Variants in MACROD2 observed in about 807,000 individuals in gnomAD.
MACROD2 encodes ADP-ribose glycohydrolase MACROD2.
A neutral mutation model predicts 70.4 loss-of-function variants in MACROD2; 36 were observed. The ratio of observed to expected loss-of-function variants is 0.51; its 90% CI spans 0.39 to 0.68. The LOEUF is 0.68. Among genes scored for constraint, MACROD2 ranks in the 30% least tolerant of loss-of-function variants. MACROD2 has a pLI of 0.00. For missense variants in MACROD2, 496 were observed against 538.4 expected (o/e 0.92, Z 0.78); for synonymous variants, 172 against 178.8 (o/e 0.96, Z 0.30).
intron 7 of MACROD2, among the ~76,000 whole-genome samples, chr20:15,470,914 C>T (rs1006680802): frequency 6.6e-6 from 1 of 152,116 alleles, no homozygotes; most frequent in Non-Finnish European, 1.5e-5. Context: ...TCTCTCAGTC[C>T]TTGGCTTTGC....
chr20:15,872,487 C>A (rs1287936183), intron 9 of MACROD2, among the ~76,000 whole-genome samples: 2 of 152,112 alleles, frequency 1.3e-5, no homozygotes, highest in African/African-American at 2.4e-5. Context: ...GTCACAGCCA[C>A]CTTAACACTG....
intron 8 of MACROD2, among the ~76,000 whole-genome samples, chr20:15,554,993 A>C (rs1165087081): frequency 6.6e-6 from 1 of 152,204 alleles, no homozygotes; most frequent in Non-Finnish European, 1.5e-5. Flanking sequence ...ATTGCAACTA[A>C]AATGCAGATG....
chr20:15,504,452 CTTGAG>C (rs2047401203), intron 8 of MACROD2, among the ~76,000 whole-genome samples: 1 of 152,106 alleles, frequency 6.6e-6, no homozygotes, highest in African/African-American at 2.4e-5. Context: ...CATGATGACT[CTTGAG>C]TTGAAAATCT....
At chr20:15,038,869 C>T (rs1206250640) in intron 5 of MACROD2, among the ~76,000 whole-genome samples, 1 of 152,072 alleles carries the variant, frequency 6.6e-6, no homozygotes, top group Non-Finnish European at 1.5e-5. Flanking sequence ...GAACTGGATT[C>T]ATTATAATAT....
At chr20:15,501,170 C>T (rs554079031) in intron 8 of MACROD2, among the ~76,000 whole-genome samples, 2 of 152,312 alleles carry the variant, frequency 1.3e-5, no homozygotes, top group East Asian at 1.9e-4. Context: ...AACTCAGTTC[C>T]TTTAAAAGCC....
At chr20:14,798,367 G>A (rs577024490) in intron 5 of MACROD2, among the ~76,000 whole-genome samples, 23 of 152,082 alleles carry the variant, frequency 1.5e-4, no homozygotes, top group Middle Eastern at 6.8e-3. Context: ...TTCTCAACAT[G>A]GATTTGTCTT....
chr20:16,044,260 A>C (rs939233381), intron 16 of MACROD2, among the ~76,000 whole-genome samples: 1 of 152,084 alleles, frequency 6.6e-6, no homozygotes, highest in African/African-American at 2.4e-5. Flanking sequence ...CTCACTCATC[A>C]CTAAGAAGAT....
intron 2 of MACROD2, among the ~76,000 whole-genome samples, chr20:14,069,009 C>T (rs111326959): frequency 0.018 from 2,729 of 152,218 alleles, 35 homozygotes; most frequent in South Asian, 0.035. Flanking sequence ...AGTACAGTGG[C>T]GTGATCTTGG....
intron 3 of MACROD2, among the ~76,000 whole-genome samples, chr20:14,152,029 G>T (rs1357127975): frequency 4.0e-5 from 6 of 151,394 alleles, no homozygotes; most frequent in Non-Finnish European, 8.8e-5. Context: ...CACTGTGTTA[G>T]CCAGGATGGT....
intron 8 of MACROD2, among the ~76,000 whole-genome samples, chr20:15,705,320 T>A (rs566835480): frequency 7.2e-4 from 110 of 152,326 alleles, no homozygotes; most frequent in African/African-American, 2.5e-3. Flanking sequence ...TAAAGCCCCA[T>A]GGGTGATTCC....
chr20:16,016,073 A>G (rs530175669), intron 15 of MACROD2, among the ~76,000 whole-genome samples: 3 of 152,076 alleles, frequency 2.0e-5, no homozygotes, highest in Non-Finnish European at 4.4e-5. Flanking sequence ...CTGATTATCC[A>G]ATCAGGACTA....
rs1425496826 is a variant in MACROD2, at chr20:14,085,614, A to C, written c.164-7A>C. ...TATTATTGATATATATCCATTTTCTATTACAGAAGAAAATACTCAGGAAAC... is the reference window on the plus strand; with the variant it reads ...TATTATTGATATATATCCATTTTCTCTTACAGAAGAAAATACTCAGGAAAC... On this transcript the variant is annotated splice_polypyrimidine_tract_variant and splice_region_variant and intron_variant, in intron 2 of 17. Coordinates refer to ENST00000684519, the MANE Select transcript of MACROD2 (RefSeq NM_001351661.2). The C allele has an allele frequency of 2.7e-6, 4 of 1,480,086 alleles. No homozygotes were observed. The highest frequency in any genetic ancestry group is 2.7e-6 in the Non-Finnish European group (3 of 1,092,080). 91.7% of individuals were successfully genotyped at this position (1,480,086 alleles called of 1,614,324 possible).
At chr20:15,356,487 A>G (rs1437095478) in intron 6 of MACROD2, among the ~76,000 whole-genome samples, 1 of 152,218 alleles carries the variant, frequency 6.6e-6, no homozygotes, top group Non-Finnish European at 1.5e-5. Flanking sequence ...ACAATGACCT[A>G]TAATTTAAAC....
intron 8 of MACROD2, among the ~76,000 whole-genome samples, chr20:15,537,054 T>C (rs1490917819): frequency 6.6e-6 from 1 of 152,174 alleles, no homozygotes; most frequent in East Asian, 1.9e-4. Flanking sequence ...AATCTCATCT[T>C]GAATTTTAGC....
chr20:14,873,267 G>A (rs983062872), intron 5 of MACROD2, among the ~76,000 whole-genome samples: 1 of 152,012 alleles, frequency 6.6e-6, no homozygotes, highest in Non-Finnish European at 1.5e-5. Flanking sequence ...TTATTATTAT[G>A]ACTTTCTACT....
chr20:14,262,992 T>C (rs7264152), intron 3 of MACROD2, among the ~76,000 whole-genome samples: 2,328 of 152,240 alleles, frequency 0.015, 24 homozygotes, highest in African/African-American at 0.027. Context: ...ACCACTTAAA[T>C]AGATTTTGAA....
intron 5 of MACROD2, among the ~76,000 whole-genome samples, chr20:14,971,983 C>T (rs921468669): frequency 9.2e-5 from 14 of 152,262 alleles, no homozygotes; most frequent in African/African-American, 2.4e-4. Flanking sequence ...CTCAGTTTTA[C>T]GGGCTGCTTT....
At chr20:15,646,175 A>G (rs1166432858) in intron 8 of MACROD2, among the ~76,000 whole-genome samples, 1 of 152,174 alleles carries the variant, frequency 6.6e-6, no homozygotes, top group African/African-American at 2.4e-5. Flanking sequence ...GAGGCAGTTC[A>G]AAGGTGAATT....
intron 6 of MACROD2, among the ~76,000 whole-genome samples, chr20:15,303,100 T>A (rs1342153009): frequency 6.6e-6 from 1 of 152,210 alleles, no homozygotes; most frequent in African/African-American, 2.4e-5. Flanking sequence ...TTAATCTTCA[T>A]CTTCATACCT....
Sources: allele counts gnomAD v4.1 joint callset (sites outside exome capture counted in the v4.1 genomes callset), GRCh38; gene constraint gnomAD v4.1.1; transcripts MANE v1.5; gene names NCBI Gene and HGNC (gene_info 2026-07-23, HGNC 2026-07-21).